The following TDRD12 variants were observed in gnomAD, a reference collection of about 807,000 sequenced individuals.
TDRD12 encodes the protein tudor domain containing 12, also known as putative ATP-dependent RNA helicase TDRD12.
TDRD12 carries 158 observed loss-of-function variants against 133.5 expected under a neutral mutation model. That is an observed-to-expected ratio of 1.18 (90% CI 1.04 to 1.35). The LOEUF is 1.35. Among genes scored for constraint, TDRD12 ranks in the 40% most tolerant of loss-of-function variants. The pLI, the probability that TDRD12 is intolerant of heterozygous loss-of-function variation, is 0.00. For missense variants in TDRD12, 1,443 were observed against 1,321.3 expected (o/e 1.09, Z -1.43); for synonymous variants, 460 against 477.9 (o/e 0.96, Z 0.49).
chr19:32,748,944 A>T (rs1969738959), intron 5 of TDRD12, among the ~76,000 whole-genome samples: 1 of 152,268 alleles, frequency 6.6e-6, no homozygotes, highest in Non-Finnish European at 1.5e-5. Flanking sequence ...CTAATTTAAG[A>T]TGCATAAAAT....
At chr19:32,794,901 A>AT in intron 14 of TDRD12, 88 bp downstream of exon 14, 1 of 631,746 alleles carries the variant, frequency 1.6e-6, no homozygotes, top group Admixed American at 2.5e-5. Context: ...AAGGTCGTCT[A>AT]TTACTCAGTT....
intron 1 of TDRD12, among the ~76,000 whole-genome samples, chr19:32,730,076 C>T (rs1426942951): frequency 6.6e-6 from 1 of 152,080 alleles, no homozygotes; most frequent in East Asian, 1.9e-4. Context: ...AGGTGTGAGC[C>T]ACAGCACCCG....
At position 32,794,963 on chromosome 19, in the gene TDRD12, C is replaced by T. The variant is rs1971181525; in HGVS notation, c.1473+150C>T. The T allele has an allele frequency of 5.0e-6, 3 of 604,602 alleles. No individual in the cohort carries two copies. In the African/African-American group the frequency reaches 5.6e-5, roughly 11 times the overall value. 37.5% of individuals were successfully genotyped at this position (604,602 alleles called of 1,614,324 possible). ...CTGTCCTGTGGGAAAGTGTCCTTTCCCATTCCAATTACTGATGCTCTCATA... is the reference window on the plus strand; with the variant it reads ...CTGTCCTGTGGGAAAGTGTCCTTTCTCATTCCAATTACTGATGCTCTCATA... On this transcript the variant is annotated intron_variant, in intron 14 of 27. Transcript: ENST00000444215.
At chr19:32,803,876 G>A (rs1048252473) in intron 21 of TDRD12, among the ~76,000 whole-genome samples, 6 of 151,990 alleles carry the variant, frequency 3.9e-5, no homozygotes, top group Admixed American at 6.6e-5. Context: ...TGAAGTGCCC[G>A]TTGAGGTCTT....
Position 32,773,572 on chromosome 19 carries a change from C to T in TDRD12, c.1040+40C>T, listed in dbSNP as rs140356542. 2,656 of 1,529,508 alleles carry T rather than the reference C, an allele frequency of 1.7e-3. 40 individuals carry two copies. The African/African-American group carries it at 0.032, about 19-fold the overall frequency. 94.7% of individuals were successfully genotyped at this position (1,529,508 alleles called of 1,614,324 possible). ...TTCAAACTGGGTGTGGTGGCGCCTG[C>T]CTGTAGTCCCAGCTACTGGGGAGGC... On this transcript the variant is annotated intron_variant, in intron 10 of 27. Transcript: ENST00000444215.
chr19:32,784,596 C>T (rs531955034), intron 11 of TDRD12, among the ~76,000 whole-genome samples: 2 of 152,106 alleles, frequency 1.3e-5, no homozygotes, highest in African/African-American at 2.4e-5. Flanking sequence ...TGGTAGAATT[C>T]GGCTGTGAAT....
At chr19:32,820,986 C>A in intron 27 of TDRD12, 47 bp from the exon 28 acceptor site, 1 of 1,453,226 alleles carries the variant, frequency 6.9e-7, no homozygotes, top group Non-Finnish European at 9.3e-7. Flanking sequence ...TCCACTTGGG[C>A]AGTTCCTGTA....
intron 2 of TDRD12, among the ~76,000 whole-genome samples, chr19:32,733,113 A>T (rs1463126253): frequency 6.6e-6 from 1 of 152,206 alleles, no homozygotes; most frequent in Non-Finnish European, 1.5e-5. Context: ...TAATAGCTGC[A>T]GTAAGCTGTG....
chr19:32,821,076 C>T (rs1332374547), exon 28 of TDRD12: 2 of 1,535,784 alleles, frequency 1.3e-6, no homozygotes, highest in East Asian at 4.9e-5. Flanking sequence ...GAGCCCCCAG[C>T]CTGAGGACAC....
chr19:32,753,190 G>A (rs1162394358), intron 6 of TDRD12, among the ~76,000 whole-genome samples: 2 of 152,092 alleles, frequency 1.3e-5, no homozygotes, highest in Admixed American at 1.3e-4. Flanking sequence ...TGTTCCAACT[G>A]GGGTGTCATG....
At chr19:32,749,002 CTT>C (rs1568457459) in intron 5 of TDRD12, among the ~76,000 whole-genome samples, 1 of 152,160 alleles carries the variant, frequency 6.6e-6, no homozygotes, top group Non-Finnish European at 1.5e-5. Flanking sequence ...TAAACAGTGT[CTT>C]TTGTGGGATC....
intron 4 of TDRD12, among the ~76,000 whole-genome samples, chr19:32,747,354 G>T (rs1969683121): frequency 6.6e-6 from 1 of 152,054 alleles, no homozygotes. Flanking sequence ...TAATTCTCTT[G>T]AATTGTTTAA....
At chr19:32,770,063 G>C (rs1970404734) in intron 8 of TDRD12, among the ~76,000 whole-genome samples, 2 of 151,380 alleles carry the variant, frequency 1.3e-5, no homozygotes, top group Non-Finnish European at 1.5e-5. Flanking sequence ...CTCACTGCAG[G>C]CAGTGAGATC....
intron 1 of TDRD12, among the ~76,000 whole-genome samples, chr19:32,721,044 G>A (rs183810383): frequency 1.3e-5 from 2 of 152,142 alleles, no homozygotes; most frequent in African/African-American, 4.8e-5. Context: ...GCCTGGACAG[G>A]GTCGGGTGGC....
At chr19:32,726,817 A>G (rs528467789) in intron 1 of TDRD12, among the ~76,000 whole-genome samples, 170 of 152,326 alleles carry the variant, frequency 1.1e-3, no homozygotes, top group African/African-American at 3.9e-3. Flanking sequence ...ATTCTGTACC[A>G]CATTTTGCTT....
chr19:32,825,005 G>A (rs1011127890), downstream of TDRD12, among the ~76,000 whole-genome samples: 4 of 152,050 alleles, frequency 2.6e-5, no homozygotes, highest in African/African-American at 4.8e-5. The surrounding 1 kb of genome is among the most constrained non-coding windows in gnomAD (Gnocchi z 4.1). Context: ...TGCCTCCTTC[G>A]CACCCTAGCT....
At chr19:32,744,513 AAAAAAAAAAAAC>A (rs1969536227) in intron 4 of TDRD12, among the ~76,000 whole-genome samples, 1 of 150,470 alleles carries the variant, frequency 6.6e-6, no homozygotes, top group Non-Finnish European at 1.5e-5. Context: ...AAAAAAAAAA[AAAAAAAAAAAAC>A]AAAAGAATAT....
At chr19:32,778,645 G>A (rs1293778682) in intron 11 of TDRD12, among the ~76,000 whole-genome samples, 2 of 151,922 alleles carry the variant, frequency 1.3e-5, no homozygotes, top group Non-Finnish European at 2.9e-5. Flanking sequence ...AATTACAGGC[G>A]CCTGCCACCA....
intron 14 of TDRD12, among the ~76,000 whole-genome samples, chr19:32,795,788 A>G (rs1050897052): frequency 4.6e-5 from 7 of 152,160 alleles, no homozygotes; most frequent in African/African-American, 1.7e-4. Context: ...AAGCCTCAGG[A>G]AACTCACAAT....
Sources: allele counts gnomAD v4.1 joint callset (sites outside exome capture counted in the v4.1 genomes callset), GRCh38; gene constraint gnomAD v4.1.1; non-coding constraint Gnocchi (gnomAD v3.1); transcripts MANE v1.5; gene names NCBI Gene and HGNC (gene_info 2026-07-23, HGNC 2026-07-21).